TNR: variants seen among roughly 807,000 people sequenced by gnomAD.
TNR encodes the protein tenascin R, also known as tenascin-R.
In TNR, 45 loss-of-function variants were observed where a neutral mutation model predicts 150.4. That is an observed-to-expected ratio of 0.30 (90% CI 0.24 to 0.38). The LOEUF (loss-of-function observed/expected upper bound fraction) is 0.38, where lower values mean the gene tolerates loss of function less well. Ranked by LOEUF, TNR falls within the 10% of genes least tolerant of loss-of-function variation. TNR has a pLI of 1.00. For missense variants in TNR, 1,544 were observed against 1,759.1 expected (o/e 0.88, Z 2.19); for synonymous variants, 687 against 678.4 (o/e 1.01, Z -0.20).
At position 175,585,401 on chromosome 1, in the gene TNR, T is replaced by C. The variant is rs570976060; in HGVS notation, c.-164-57032A>G. ...TAGAGAAAATCGTGAGCATGTATTA[T>C]GTGCCAAGAGTATTGCAAAAACATT... On this transcript the variant is annotated intron_variant, in intron 1 of 22. Coordinates refer to ENST00000367674, the MANE Select transcript of TNR (RefSeq NM_003285.3). Among the ~76,000 whole-genome samples, 5 of 152,356 alleles carry C rather than the reference T, an allele frequency of 3.3e-5. No homozygotes were observed. In the South Asian group the frequency reaches 1.0e-3, roughly 32 times the overall value.
At chr1:175,732,928 A>G (rs1667680530) in intron 1 of TNR, among the ~76,000 whole-genome samples, 1 of 152,196 alleles carries the variant, frequency 6.6e-6, no homozygotes, top group African/African-American at 2.4e-5. Context: ...TTGCTACTGA[A>G]AATAGAGGTG....
At chr1:175,381,952 A>G (rs973830353) in intron 8 of TNR, among the ~76,000 whole-genome samples, 1 of 152,102 alleles carries the variant, frequency 6.6e-6, no homozygotes, top group Non-Finnish European at 1.5e-5. Context: ...ATACCTCAGG[A>G]CCTTTGCACT....
chr1:175,495,110 T>C (rs1571520278), intron 2 of TNR, among the ~76,000 whole-genome samples: 2 of 152,312 alleles, frequency 1.3e-5, no homozygotes, highest in Admixed American at 1.3e-4. Flanking sequence ...ATGGATTGCC[T>C]GCCCAGTGAC....
chr1:175,418,976 G>T (rs566326570), intron 2 of TNR, among the ~76,000 whole-genome samples: 1 of 152,120 alleles, frequency 6.6e-6, no homozygotes, highest in Admixed American at 6.5e-5. Flanking sequence ...GTTGCAATTG[G>T]CCCCAAAGAT....
intron 1 of TNR, among the ~76,000 whole-genome samples, chr1:175,621,164 C>G (rs893980626): frequency 1.2e-4 from 18 of 152,218 alleles, no homozygotes; most frequent in Non-Finnish European, 2.1e-4. Context: ...ATGGCAGGCA[C>G]TCAACATGTA....
At chr1:175,734,263 T>C (rs1667717194) in intron 1 of TNR, among the ~76,000 whole-genome samples, 1 of 152,242 alleles carries the variant, frequency 6.6e-6, no homozygotes, top group South Asian at 2.1e-4. Flanking sequence ...TCTCTATTAA[T>C]TGCAGAATCT....
chr1:175,529,228 G>T (rs529446936), intron 1 of TNR, among the ~76,000 whole-genome samples: 1 of 152,282 alleles, frequency 6.6e-6, no homozygotes, highest in Admixed American at 6.5e-5. Context: ...GAGCCCCAGG[G>T]ATATCATTTA....
Position 175,461,771 on chromosome 1 carries a change from T to A in TNR, c.-63-54994A>T, listed in dbSNP as rs549254465. Among the ~76,000 whole-genome samples the A allele has an allele frequency of 1.5e-4, 11 of 73,374 alleles. No homozygotes were observed. The South Asian group carries it at 2.2e-3, about 14-fold the overall frequency. The allele number at this position is 73,374 out of a possible 152,430, so 48.1% of individuals were successfully genotyped here. A position where few individuals can be genotyped will look rare whatever the true frequency, so the allele number is the denominator to read the frequency against. ...ATTCTTAATAGTTTCCTTCTGATAG[T>A]TCCTTATTTCTAGATTATTTTGCTT... On this transcript the variant is annotated intron_variant, in intron 2 of 22. Coordinates refer to ENST00000367674, the MANE Select transcript of TNR (RefSeq NM_003285.3).
chr1:175,418,214 A>T (rs999303609), intron 2 of TNR, among the ~76,000 whole-genome samples: 12 of 152,008 alleles, frequency 7.9e-5, no homozygotes, highest in South Asian at 2.1e-4. Flanking sequence ...GTCTCAGGCG[A>T]CCCCCTGTGT....
chr1:175,362,217 C>T (rs1651628427), intron 14 of TNR, among the ~76,000 whole-genome samples: 1 of 152,108 alleles, frequency 6.6e-6, no homozygotes, highest in South Asian at 2.1e-4. Context: ...GAGCACAAAG[C>T]AAGAGCAAAG....
intron 2 of TNR, among the ~76,000 whole-genome samples, chr1:175,527,883 C>T (rs1035356978): frequency 6.6e-6 from 1 of 152,038 alleles, no homozygotes; most frequent in Non-Finnish European, 1.5e-5. Flanking sequence ...TTTTGGAACT[C>T]CAGAAATTTT....
At chr1:175,725,095 C>T (rs1667443597) in intron 1 of TNR, among the ~76,000 whole-genome samples, 1 of 152,136 alleles carries the variant, frequency 6.6e-6, no homozygotes, top group Non-Finnish European at 1.5e-5. Context: ...AGGGGAGTGA[C>T]ATGATCAGAT....
chr1:175,358,437 T>G (rs1651429061), intron 15 of TNR, among the ~76,000 whole-genome samples: 1 of 152,250 alleles, frequency 6.6e-6, no homozygotes, highest in Non-Finnish European at 1.5e-5. Flanking sequence ...TGTGCTGCTA[T>G]ATGGTAATCA....
intron 2 of TNR, among the ~76,000 whole-genome samples, chr1:175,412,227 G>A (rs922085212): frequency 1.3e-5 from 2 of 152,218 alleles, no homozygotes; most frequent in African/African-American, 4.8e-5. Flanking sequence ...CTTAGTGGCT[G>A]TTTTCCAGCC....
intron 1 of TNR, among the ~76,000 whole-genome samples, chr1:175,624,890 G>A (rs1664096793): frequency 6.6e-6 from 1 of 152,180 alleles, no homozygotes; most frequent in South Asian, 2.1e-4. Flanking sequence ...TAGAGGATGG[G>A]GCCCCCTTCT....
At chr1:175,428,739 C>G (rs966778815) in intron 2 of TNR, among the ~76,000 whole-genome samples, 2 of 152,160 alleles carry the variant, frequency 1.3e-5, no homozygotes, top group African/African-American at 4.8e-5. Flanking sequence ...GTTTGAATTT[C>G]AAGCTTTTTT....
rs150355423 is a variant in TNR at position 175,684,722 on chromosome 1, G to T, written c.-165+58504C>A. 7.0e-3 allele frequency among the ~76,000 whole-genome samples: 1,060 copies of T among 152,258 alleles called. 13 individuals carry two copies. The highest frequency in any genetic ancestry group is 0.024 in the African/African-American group (1,013 of 41,554). On this transcript the variant is annotated intron_variant, in intron 1 of 22. Coordinates refer to ENST00000367674, the MANE Select transcript of TNR (RefSeq NM_003285.3). ...TGTCAAATGCTCCATGAAAAAGAGT[G>T]CTCTATAGTTAGCTAGGTTCAGAAA...
At chr1:175,473,386 A>G (rs1657380353) in intron 2 of TNR, among the ~76,000 whole-genome samples, 1 of 152,178 alleles carries the variant, frequency 6.6e-6, no homozygotes, top group African/African-American at 2.4e-5. Context: ...GAATTTTAAA[A>G]ACCAGTATTG....
intron 2 of TNR, among the ~76,000 whole-genome samples, chr1:175,431,911 ATCTC>A (rs545138749): frequency 7.3e-6 from 1 of 136,366 alleles, no homozygotes; most frequent in Non-Finnish European, 1.5e-5. Context: ...GGACCATAAT[ATCTC>A]TCTCTCTCTC....
Sources: allele counts gnomAD v4.1 joint callset (sites outside exome capture counted in the v4.1 genomes callset), GRCh38; gene constraint gnomAD v4.1.1; transcripts MANE v1.5; gene names NCBI Gene and HGNC (gene_info 2026-07-23, HGNC 2026-07-21).